The following ANO10 variants were observed in gnomAD, a reference collection of about 807,000 sequenced individuals.
The protein encoded by ANO10 is anoctamin 10.
ANO10 carries 77 observed loss-of-function variants against 74.7 expected under a neutral mutation model. That is an observed-to-expected ratio of 1.03 (90% confidence interval 0.86 to 1.25). ANO10 has a LOEUF of 1.25. Among genes scored for constraint, ANO10 ranks in the 50% most tolerant of loss-of-function variants. The probability of loss-of-function intolerance (pLI) is 0.00; values close to 1 mark genes in which losing one functional copy is unlikely to be tolerated. For missense variants in ANO10, 721 were observed against 778.1 expected, an observed-to-expected ratio of 0.93 and a Z score of 0.87; for synonymous variants, 279 against 284.9, an observed-to-expected ratio of 0.98 and a Z score of 0.21.
intron 12 of ANO10, among the ~76,000 whole-genome samples, chr3:43,376,032 G>A (rs1451127829): frequency 2.0e-5 from 3 of 152,214 alleles, no homozygotes; most frequent in Non-Finnish European, 4.4e-5. Context: ...GTTCATTGCT[G>A]TGTGTGCCCC....
chr3:43,546,604 C>A (rs1167865957), intron 11 of ANO10, among the ~76,000 whole-genome samples: 13 of 150,674 alleles, frequency 8.6e-5, no homozygotes, highest in Non-Finnish European at 1.6e-4. Context: ...TAAAAACAAC[C>A]AAATGAAAAT....
At chr3:43,495,858 C>T (rs1461844870) in intron 11 of ANO10, among the ~76,000 whole-genome samples, 1 of 152,054 alleles carries the variant, frequency 6.6e-6, no homozygotes, top group African/African-American at 2.4e-5. Context: ...TGCCACCACA[C>T]CTAGCTAACT....
rs537088663 is a variant in ANO10 at position 43,498,116 on chromosome 3, G to T, written c.1797+51604C>A. Among the ~76,000 whole-genome samples, 3 of 152,310 alleles carry T rather than the reference G, an allele frequency of 2.0e-5. 1 individual carries two copies. The South Asian group carries it at 6.2e-4, about 32-fold the overall frequency. On this transcript the variant is annotated intron_variant, in intron 11 of 12. Coordinates refer to ENST00000292246, the MANE Select transcript of ANO10 (RefSeq NM_018075.5). ...AAGTAGCATCAAATTTTCTGTTCAT[G>T]TATTTCTTTAAAAAGTATGAATCAC...
chr3:43,445,972 C>T (rs2093239126), intron 11 of ANO10, among the ~76,000 whole-genome samples: 1 of 152,130 alleles, frequency 6.6e-6, no homozygotes, highest in South Asian at 2.1e-4. Context: ...GCTGGGATTA[C>T]AGAACACCAA....
intron 11 of ANO10, among the ~76,000 whole-genome samples, chr3:43,457,200 C>T (rs2075167414): frequency 1.3e-5 from 2 of 152,218 alleles, no homozygotes; most frequent in Non-Finnish European, 2.9e-5. Flanking sequence ...ACTTGGCACA[C>T]AAAATGCCTC....
intron 11 of ANO10, among the ~76,000 whole-genome samples, chr3:43,525,111 C>T (rs1160186208): frequency 4.6e-5 from 7 of 152,110 alleles, no homozygotes; most frequent in African/African-American, 1.2e-4. Context: ...TACCCCCCAC[C>T]GACCAATGAC....
intron 8 of ANO10, 49 bp downstream of exon 8, chr3:43,565,604 C>A (rs1188616097): frequency 7.2e-7 from 1 of 1,395,778 alleles, no homozygotes; most frequent in East Asian, 2.5e-5. Context: ...AGATAGAAAA[C>A]CACCTCTATG....
At chr3:43,459,839 C>A (rs2075302114) in intron 11 of ANO10, among the ~76,000 whole-genome samples, 1 of 152,156 alleles carries the variant, frequency 6.6e-6, no homozygotes, top group Admixed American at 6.5e-5. Flanking sequence ...ATAGTTGGTA[C>A]TACTGTTATC....
intron 11 of ANO10, among the ~76,000 whole-genome samples, chr3:43,459,035 T>C (rs1575898276): frequency 6.6e-6 from 1 of 152,216 alleles, no homozygotes; most frequent in East Asian, 1.9e-4. Flanking sequence ...TTGAGTTATG[T>C]GTAACCAGGT....
At chr3:43,679,326 C>T (rs187123469) in intron 1 of ANO10, among the ~76,000 whole-genome samples, 70 of 152,296 alleles carry the variant, frequency 4.6e-4, no homozygotes, top group African/African-American at 1.5e-3. Flanking sequence ...CCTACGCCCA[C>T]GGAGCCTCGC....
At chr3:43,427,474 TAAAATGA>T (rs2148928503) in intron 12 of ANO10, among the ~76,000 whole-genome samples, 1 of 152,328 alleles carries the variant, frequency 6.6e-6, no homozygotes, top group South Asian at 2.1e-4. Flanking sequence ...ATTTTGCCCA[TAAAATGA>T]GACTTGAGTT....
At chr3:43,387,845 C>G (rs986131358) in intron 12 of ANO10, among the ~76,000 whole-genome samples, 1 of 152,150 alleles carries the variant, frequency 6.6e-6, no homozygotes, top group Non-Finnish European at 1.5e-5. Context: ...GTGGCTAAGT[C>G]CTGTGGTCCA....
chr3:43,528,855 G>A (rs1207701363), intron 11 of ANO10, among the ~76,000 whole-genome samples: 1 of 151,992 alleles, frequency 6.6e-6, no homozygotes, highest in Non-Finnish European at 1.5e-5. Flanking sequence ...AGCTACTCAG[G>A]AGGCTGAGAT....
At chr3:43,585,386 A>T (rs545538345) in intron 4 of ANO10, among the ~76,000 whole-genome samples, 1 of 152,352 alleles carries the variant, frequency 6.6e-6, no homozygotes, top group South Asian at 2.1e-4. Context: ...TGTTTACAAA[A>T]GCCTCATCCT....
At chr3:43,628,321 T>C (rs942063074) in intron 1 of ANO10, among the ~76,000 whole-genome samples, 2 of 152,202 alleles carry the variant, frequency 1.3e-5, no homozygotes, top group Non-Finnish European at 2.9e-5. Context: ...TAAACATAAA[T>C]TGTGAAGATT....
chr3:43,570,189 C>G (rs1189718278), intron 7 of ANO10, among the ~76,000 whole-genome samples: 1 of 133,416 alleles, frequency 7.5e-6, no homozygotes, highest in Non-Finnish European at 1.6e-5. Context: ...AAAGAGGATA[C>G]AAACAAATGG....
Position 43,410,077 on chromosome 3 carries a change from C to T in ANO10, c.1914+22534G>A, listed in dbSNP as rs527336148. ...CATGCCAATCGCTTTGGAAAATGAA[C>T]GATAAAACGTATTACATTTTGTGAG... On this transcript the variant is annotated intron_variant, in intron 12 of 12. Coordinates refer to ENST00000292246, the MANE Select transcript of ANO10 (RefSeq NM_018075.5). 5.3e-5 allele frequency among the ~76,000 whole-genome samples: 8 copies of T among 151,944 alleles called. 1 individual carries two copies. The highest frequency in any genetic ancestry group is 3.9e-4 in the Admixed American group (6 of 15,228).
rs2091417883 is a variant in ANO10 at position 43,366,577 on chromosome 3, AC to A, written c.*328del. ...TGGGAGTGACACTGCTATGAGGGGA[AC>A]GTGGAGAGCTGGTGGCTCACTCATG... On this transcript the variant is annotated 3_prime_UTR_variant, in exon 13 of 13. Transcript: ENST00000292246. 2.4e-6 allele frequency: 1 copy of A among 418,948 alleles called. No homozygotes were observed. Among genetic ancestry groups the A allele is most frequent in the Non-Finnish European group, 4.5e-6 (1 of 221,908 alleles). The allele number at this position is 418,948 out of a possible 1,614,324, so 26.0% of individuals were successfully genotyped here. A position where few individuals can be genotyped will look rare whatever the true frequency, so the allele number is the denominator to read the frequency against.
At chr3:43,420,706 C>T (rs539386619) in intron 12 of ANO10, among the ~76,000 whole-genome samples, 1 of 152,012 alleles carries the variant, frequency 6.6e-6, no homozygotes, top group African/African-American at 2.4e-5. Context: ...ATAACACACA[C>T]AGGATAATTT....
Sources: gnomAD v4.1 joint callset for allele counts (sites outside exome capture counted in the v4.1 genomes callset) on GRCh38, gnomAD v4.1.1 for gene constraint, MANE v1.5 for transcripts, NCBI Gene and HGNC (gene_info 2026-07-23, HGNC 2026-07-21) for gene names.